BTBD7: variants seen among roughly 807,000 people sequenced by gnomAD.
BTBD7 encodes the protein BTB/POZ domain-containing protein 7.
BTBD7 carries 38 observed loss-of-function variants against 99.9 expected under a neutral mutation model. The ratio of observed to expected loss-of-function variants is 0.38; its 90% confidence interval spans 0.29 to 0.50. The LOEUF is 0.50. Among genes scored for constraint, BTBD7 ranks in the 20% least tolerant of loss-of-function variants. The probability of loss-of-function intolerance (pLI) is 0.93; values close to 1 mark genes in which losing one functional copy is unlikely to be tolerated. For missense variants in BTBD7, 1,170 were observed against 1,394.6 expected (o/e 0.84, Z 2.57); for synonymous variants, 520 against 511.4 (o/e 1.02, Z -0.23).
intron 1 of BTBD7, among the ~76,000 whole-genome samples, chr14:93,317,130 C>G (rs982555553): frequency 6.6e-6 from 1 of 152,112 alleles, no homozygotes. Flanking sequence ...CTCAGCCTCC[C>G]GAGCGGCTAA....
chr14:93,318,785 ACT>A (rs904770557), intron 1 of BTBD7, among the ~76,000 whole-genome samples: 34 of 152,194 alleles, frequency 2.2e-4, no homozygotes, highest in Admixed American at 6.5e-5. Context: ...TTCCATACTC[ACT>A]CTGTAAGAGC....
chr14:93,294,308 G>A lies in BTBD7; in HGVS notation c.712C>T (p.Arg238Cys), dbSNP rs143569452. The A allele has an allele frequency of 1.7e-5, 27 of 1,613,968 alleles. No individual in the cohort carries two copies. Among genetic ancestry groups the A allele is most frequent in the East Asian group, 1.6e-4 (7 of 44,886 alleles). The part of the protein sequence containing the change: ...GTPNSLDVDM[R>C]GLFDYMCYYD... ...TAACACATGTAATCAAAGAGTCCACGCATATCTACATCAAGGGAATTTGGT... is the reference window on the plus strand; with the variant it reads ...TAACACATGTAATCAAAGAGTCCACACATATCTACATCAAGGGAATTTGGT... The change falls in exon 3 of 11, where the codon CGT becomes TGT. Residue 238 changes from arginine (R) to cysteine (C), a missense_variant. This residue lies in a region of BTBD7 where 359 missense variants were observed against 497.9 expected (regional missense o/e 0.72). Transcript: ENST00000334746.
intron 1 of BTBD7, among the ~76,000 whole-genome samples, chr14:93,320,760 T>C (rs182036529): frequency 5.9e-5 from 9 of 151,732 alleles, no homozygotes; most frequent in Admixed American, 5.3e-4. Flanking sequence ...TTTTTTGAGG[T>C]AACAGTCAAG....
chr14:93,332,018 C>T (rs1387256625), intron 1 of BTBD7, among the ~76,000 whole-genome samples: 2 of 151,806 alleles, frequency 1.3e-5, no homozygotes, highest in Non-Finnish European at 2.9e-5. Flanking sequence ...GTAAATTAGG[C>T]CTACTCCAGA....
chr14:93,261,520 C>G, intron 5 of BTBD7, 82 bp downstream of exon 5: 1 of 1,076,290 alleles, frequency 9.3e-7, no homozygotes. Context: ...ATTTTCAAGA[C>G]TGATGTGCGG....
intron 3 of BTBD7, among the ~76,000 whole-genome samples, chr14:93,268,508 A>G (rs925272167): frequency 2.0e-5 from 3 of 152,328 alleles, no homozygotes; most frequent in African/African-American, 7.2e-5. Flanking sequence ...TATTATGTAT[A>G]TGTATCAGGC....
At chr14:93,280,479 A>G (rs1161485818) in intron 3 of BTBD7, among the ~76,000 whole-genome samples, 1 of 152,236 alleles carries the variant, frequency 6.6e-6, no homozygotes, top group Non-Finnish European at 1.5e-5. Context: ...ATATATTTTC[A>G]GTTTTTTGGC....
chr14:93,263,754 G>C, intron 4 of BTBD7, 31 bp downstream of exon 4: 3 of 1,578,502 alleles, frequency 1.9e-6, no homozygotes, highest in East Asian at 4.5e-5. Flanking sequence ...ACATATGAAT[G>C]ACAGAGTTTG....
At chr14:93,244,041 T>C in intron 10 of BTBD7, 3 of 363,790 alleles carry the variant, frequency 8.2e-6, no homozygotes, top group South Asian at 7.2e-5. Flanking sequence ...CATCGGACTT[T>C]CTGTCACAGT....
chr14:93,245,046 G>T (rs187994031), intron 10 of BTBD7, among the ~76,000 whole-genome samples: 2 of 151,416 alleles, frequency 1.3e-5, no homozygotes, highest in African/African-American at 2.4e-5. Context: ...TTATTTGGTA[G>T]AGTCAGGGTC....
chr14:93,300,787 T>TATA (rs1491496046), intron 1 of BTBD7, among the ~76,000 whole-genome samples: 9 of 120,842 alleles, frequency 7.4e-5, no homozygotes, highest in East Asian at 2.4e-4. Flanking sequence ...TATATATATA[T>TATA]TTTTTTTTTG....
At chr14:93,323,434 T>C (rs896963015) in intron 1 of BTBD7, among the ~76,000 whole-genome samples, 2 of 152,340 alleles carry the variant, frequency 1.3e-5, no homozygotes, top group Admixed American at 1.3e-4. Context: ...ATGAGACTTC[T>C]GTCATAGCTA....
Position 93,305,758 on chromosome 14 carries a change from T to C in BTBD7, c.-106-9601A>G, listed in dbSNP as rs536830349. ...TTTCTGTTGCCGTAACAGAATATCA[T>C]AGACTGGGTAATATATAAAAAAATC... is the stretch of plus-strand genomic sequence containing the variant. On this transcript the variant is annotated intron_variant, in intron 1 of 10. Coordinates refer to ENST00000334746, the MANE Select transcript of BTBD7 (RefSeq NM_001002860.4). Among the ~76,000 whole-genome samples, 187 of 152,348 alleles carry C rather than the reference T, an allele frequency of 1.2e-3. 1 individual carries two copies. The Middle Eastern group carries it at 0.017, about 14-fold the overall frequency.
chr14:93,282,801 G>T (rs1566847978), intron 3 of BTBD7, among the ~76,000 whole-genome samples: 1 of 151,938 alleles, frequency 6.6e-6, no homozygotes, highest in Non-Finnish European at 1.5e-5. Flanking sequence ...CTGTATCTTA[G>T]ACTCCATTCA....
chr14:93,243,692 C>T (rs950733497), intron 10 of BTBD7, among the ~76,000 whole-genome samples: 4 of 152,292 alleles, frequency 2.6e-5, no homozygotes, highest in African/African-American at 2.4e-5. Context: ...TATTATGTGA[C>T]GTTCTACTGC....
chr14:93,240,942 AT>A lies in BTBD7; in HGVS notation c.*1330del, dbSNP rs2139665820. The A allele has an allele frequency of 6.5e-6, 1 of 152,760 alleles. No individual in the cohort carries two copies. The highest frequency in any genetic ancestry group is 2.4e-5 in the African/African-American group (1 of 41,588). The allele number at this position is 152,760 out of a possible 1,614,324, so 9.5% of individuals were successfully genotyped here. On this transcript the variant is annotated 3_prime_UTR_variant, in exon 11 of 11. Transcript: ENST00000334746. ...TTACACAACACCAAAATTTAGACAT[AT>A]TTTGAAAATCGTTTAAAAGAAAACG...
chr14:93,307,680 G>A (rs2053087437), intron 1 of BTBD7, among the ~76,000 whole-genome samples: 1 of 152,012 alleles, frequency 6.6e-6, no homozygotes, highest in Non-Finnish European at 1.5e-5. Context: ...ACTACCTCTT[G>A]GAGAAGACTT....
chr14:93,312,030 C>A (rs1334374791), intron 1 of BTBD7, among the ~76,000 whole-genome samples: 1 of 151,588 alleles, frequency 6.6e-6, no homozygotes, highest in East Asian at 1.9e-4. Flanking sequence ...TCCCTGCCTG[C>A]CCCATATGTA....
intron 3 of BTBD7, among the ~76,000 whole-genome samples, chr14:93,279,701 C>T (rs1595306172): frequency 6.6e-6 from 1 of 152,158 alleles, no homozygotes; most frequent in East Asian, 1.9e-4. Context: ...GTGCCCATGA[C>T]CACGTCCAGC....
Sources: gnomAD v4.1 joint callset for allele counts (sites outside exome capture counted in the v4.1 genomes callset) on GRCh38, gnomAD v4.1.1 for gene constraint, gnomAD v4.1.1 regional missense constraint, MANE v1.5 for transcripts, NCBI Gene and HGNC (gene_info 2026-07-23, HGNC 2026-07-21) for gene names.